ASPH: variants seen among roughly 807,000 people sequenced by gnomAD.
ASPH encodes the protein aspartate beta-hydroxylase, also known as aspartyl/asparaginyl beta-hydroxylase.
In ASPH, 100 loss-of-function variants were observed where a neutral mutation model predicts 118.4. The observed-to-expected ratio is 0.84, with a 90% CI of 0.72 to 1.00. The LOEUF is 1.00. Among genes scored for constraint, ASPH ranks in the 50% least tolerant of loss-of-function variants. The pLI, the probability that ASPH is intolerant of heterozygous loss-of-function variation, is 0.00. For synonymous variants in ASPH, 315 were observed against 325.6 expected, an observed-to-expected ratio of 0.97 and a Z score of 0.35; for missense variants, 920 against 919.5, an observed-to-expected ratio of 1.00 and a Z score of -0.01.
chr8:61,673,503 G>A (rs993631394), intron 3 of ASPH, among the ~76,000 whole-genome samples: 5 of 152,162 alleles, frequency 3.3e-5, no homozygotes, highest in East Asian at 3.9e-4. Flanking sequence ...ATCTCAACAC[G>A]AAGCCTGTTC....
chr8:61,675,888 G>T (rs1221488688), intron 3 of ASPH: 14 of 1,394,590 alleles, frequency 1.0e-5, no homozygotes, highest in Non-Finnish European at 1.3e-5. Flanking sequence ...TTCAATAGAA[G>T]TTGGGGGAGC....
chr8:61,572,718 T>C (rs1833836362), intron 16 of ASPH, among the ~76,000 whole-genome samples: 3 of 152,194 alleles, frequency 2.0e-5, no homozygotes. Flanking sequence ...TAGCCTTCTA[T>C]TCTTTTTGCA....
intron 14 of ASPH, among the ~76,000 whole-genome samples, chr8:61,618,331 A>G (rs1208419378): frequency 6.6e-6 from 1 of 152,150 alleles, no homozygotes; most frequent in Non-Finnish European, 1.5e-5. Flanking sequence ...AGATCATATC[A>G]TTCAACTGAT....
intron 3 of ASPH, chr8:61,658,794 G>A (rs992443329): frequency 1.3e-5 from 2 of 151,916 alleles, no homozygotes; most frequent in Non-Finnish European, 2.9e-5. Flanking sequence ...ACACACACAC[G>A]GTTTTCTTCT....
chr8:61,509,475 C>T (rs556407001), intron 24 of ASPH, among the ~76,000 whole-genome samples: 6 of 152,170 alleles, frequency 3.9e-5, no homozygotes, highest in African/African-American at 1.2e-4. Flanking sequence ...GCAGTGAGGA[C>T]GACCAGAGGT....
Position 61,548,051 on chromosome 8 carries a change from G to GA in ASPH, c.1764+19dup. The GA allele has an allele frequency of 4.4e-6, 7 of 1,602,134 alleles. No individual in the cohort carries two copies. The highest frequency in any genetic ancestry group is 6.0e-6 in the Non-Finnish European group (7 of 1,173,774). On this transcript the variant is annotated intron_variant, in intron 21 of 24. Coordinates refer to ENST00000379454, the MANE Select transcript of ASPH (RefSeq NM_004318.4). ...AAATAGACAAAGATCTGGTGAGGAT[G>GA]ATGTCTAAGTTATACTTACCTTTAC... is the stretch of plus-strand genomic sequence containing the variant.
chr8:61,556,885 A>G (rs1828062650), intron 18 of ASPH, among the ~76,000 whole-genome samples: 1 of 152,188 alleles, frequency 6.6e-6, no homozygotes, highest in Non-Finnish European at 1.5e-5. Flanking sequence ...GTAGGACTAC[A>G]ATGGGGTTAC....
chr8:61,640,307 T>A (rs940039012), intron 10 of ASPH, among the ~76,000 whole-genome samples: 2 of 152,212 alleles, frequency 1.3e-5, no homozygotes, highest in African/African-American at 4.8e-5. Context: ...GTTTGTTGCA[T>A]GCCAGACCGA....
At chr8:61,685,420 G>C (rs748637199) in intron 1 of ASPH, among the ~76,000 whole-genome samples, 2 of 152,112 alleles carry the variant, frequency 1.3e-5, no homozygotes, top group Non-Finnish European at 2.9e-5. Context: ...AGTACAAGTT[G>C]GGTAGAACTA....
At chr8:61,679,477 A>G (rs1170418180) in intron 3 of ASPH, among the ~76,000 whole-genome samples, 1 of 152,100 alleles carries the variant, frequency 6.6e-6, no homozygotes, top group African/African-American at 2.4e-5. Context: ...TGCTATAGAA[A>G]TCAGTGTGTT....
At chr8:61,578,090 C>T (rs1835949762) in intron 15 of ASPH, 1 of 996,988 alleles carries the variant, frequency 1.0e-6, no homozygotes, top group Non-Finnish European at 1.4e-6. Context: ...TTCTAAGATA[C>T]AATGGGGGTA....
intron 1 of ASPH, among the ~76,000 whole-genome samples, chr8:61,697,449 A>G (rs1226533972): frequency 6.6e-6 from 1 of 152,118 alleles, no homozygotes; most frequent in African/African-American, 2.4e-5. Context: ...TTCAGTTCTG[A>G]CACTATCTAC....
chr8:61,559,840 C>T (rs1252848850), intron 18 of ASPH, among the ~76,000 whole-genome samples: 6 of 152,010 alleles, frequency 3.9e-5, no homozygotes, highest in Non-Finnish European at 8.8e-5. Context: ...GAAGGGCCGC[C>T]ATCAAGCATG....
chr8:61,536,185 G>A (rs1422173754), intron 21 of ASPH, among the ~76,000 whole-genome samples: 1 of 151,860 alleles, frequency 6.6e-6, no homozygotes. Flanking sequence ...GATTACAGGT[G>A]CCCGCCACCA....
chr8:61,570,461 T>C (rs1833145537), intron 16 of ASPH, among the ~76,000 whole-genome samples: 1 of 152,186 alleles, frequency 6.6e-6, no homozygotes, highest in South Asian at 2.1e-4. Flanking sequence ...AGATAATCCT[T>C]CTTTATTGAG....
intron 13 of ASPH, chr8:61,625,058 A>T (rs981818007): frequency 1.0e-6 from 1 of 985,704 alleles, no homozygotes; most frequent in Non-Finnish European, 1.2e-6. Context: ...CCTTATCTTA[A>T]TGTTAACAAA....
intron 14 of ASPH, among the ~76,000 whole-genome samples, chr8:61,608,311 T>C (rs1371038339): frequency 3.3e-5 from 5 of 152,236 alleles, no homozygotes; most frequent in African/African-American, 9.6e-5. Context: ...GCCGATGAGA[T>C]AGAACATGGG....
At chr8:61,700,270 C>T (rs1834922071) in intron 1 of ASPH, among the ~76,000 whole-genome samples, 1 of 152,166 alleles carries the variant, frequency 6.6e-6, no homozygotes, top group Admixed American at 6.5e-5. Flanking sequence ...CTGAGAGGGG[C>T]CTCACCCCCT....
intron 21 of ASPH, among the ~76,000 whole-genome samples, chr8:61,544,893 G>T (rs1823230783): frequency 6.6e-6 from 1 of 152,172 alleles, no homozygotes; most frequent in Non-Finnish European, 1.5e-5. Context: ...ATTCCTAGAA[G>T]AAGTGACAAT....
Sources: allele counts gnomAD v4.1 joint callset (sites outside exome capture counted in the v4.1 genomes callset), GRCh38; gene constraint gnomAD v4.1.1; transcripts MANE v1.5; gene names NCBI Gene and HGNC (gene_info 2026-07-23, HGNC 2026-07-21).